DOCK7: variants seen among roughly 807,000 people sequenced by gnomAD.
DOCK7 encodes the protein dedicator of cytokinesis 7.
DOCK7 carries 138 observed loss-of-function variants against 271.0 expected under a neutral mutation model. The ratio of observed to expected loss-of-function variants is 0.51; its 90% CI spans 0.44 to 0.59. The LOEUF is 0.59. Among genes scored for constraint, DOCK7 ranks in the 20% least tolerant of loss-of-function variants. DOCK7 has a pLI of 0.00. For missense variants in DOCK7, 2,066 were observed against 2,592.4 expected (o/e 0.80, Z 4.41); for synonymous variants, 823 against 876.1 (o/e 0.94, Z 1.07).
intron 14 of DOCK7, among the ~76,000 whole-genome samples, chr1:62,587,613 C>T (rs985250681): frequency 1.3e-5 from 2 of 152,014 alleles, no homozygotes; most frequent in East Asian, 1.9e-4. Flanking sequence ...AGAAACACAA[C>T]GTTTATCAGT....
intron 14 of DOCK7, among the ~76,000 whole-genome samples, chr1:62,592,709 G>A (rs1441968053): frequency 6.6e-6 from 1 of 151,998 alleles, no homozygotes; most frequent in African/African-American, 2.4e-5. Flanking sequence ...AAACAAACTA[G>A]ATATATACTT....
At chr1:62,598,283 T>C (rs1649591766) in intron 14 of DOCK7, among the ~76,000 whole-genome samples, 1 of 152,044 alleles carries the variant, frequency 6.6e-6, no homozygotes, top group Admixed American at 6.6e-5. Context: ...TTGCATTTTA[T>C]ATGAAAATTA....
In DOCK7 at chr1:62,468,360, C is replaced by CAAAAAAAAAAAAAAA. The variant is rs201784083; in HGVS notation, c.6212+5607_6212+5621dup. ...TGGGCAACAGAGCGAGACTCTGTCT[C>CAAAAAAAAAAAAAAA]AAAAAAAAAAAAAAAAAAAGCATCA... On this transcript the variant is annotated intron_variant, in intron 48 of 49. Coordinates refer to ENST00000635253, the MANE Select transcript of DOCK7 (RefSeq NM_001367561.1). Among the ~76,000 whole-genome samples the CAAAAAAAAAAAAAAA allele has an allele frequency of 3.2e-5, 3 of 93,082 alleles. 1 individual carries two copies. Among genetic ancestry groups the CAAAAAAAAAAAAAAA allele is most frequent in the African/African-American group, 7.6e-5 (2 of 26,426 alleles). The allele number at this position is 93,082 out of a possible 152,430, so 61.1% of individuals were successfully genotyped here.
chr1:62,630,366 T>C (rs1355914015), intron 11 of DOCK7, among the ~76,000 whole-genome samples: 3 of 152,184 alleles, frequency 2.0e-5, no homozygotes, highest in African/African-American at 7.2e-5. Context: ...GTAAGTTCCC[T>C]CAGTAAACCC....
intron 22 of DOCK7, among the ~76,000 whole-genome samples, chr1:62,548,739 G>A (rs1278040911): frequency 1.3e-5 from 2 of 152,188 alleles, no homozygotes; most frequent in Non-Finnish European, 2.9e-5. Flanking sequence ...AGTCTTTAAA[G>A]CAACATTCTG....
intron 49 of DOCK7, among the ~76,000 whole-genome samples, chr1:62,457,066 C>T (rs1209816400): frequency 6.6e-6 from 1 of 152,146 alleles, no homozygotes; most frequent in African/African-American, 2.4e-5. Context: ...ACAAAAACCT[C>T]TTTAAGTTCT....
chr1:62,538,958 C>A (rs1163468606), intron 27 of DOCK7, among the ~76,000 whole-genome samples: 1 of 152,134 alleles, frequency 6.6e-6, no homozygotes. Context: ...AGTGGCCCAG[C>A]AGAACCAATA....
chr1:62,534,087 C>T lies in DOCK7; in HGVS notation c.3611+1406G>A, dbSNP rs147845482. Among the ~76,000 whole-genome samples, 231 of 152,110 alleles carry T rather than the reference C, an allele frequency of 1.5e-3. 5 individuals carry two copies. In the East Asian group the frequency reaches 0.031, roughly 20 times the overall value. Reference sequence around the variant, plus strand: ...GATCTTGGCTTACTGCAACCTCTGCCTCCCGGATTCAAGCAGTTCTCATGC... The same window carrying T: ...GATCTTGGCTTACTGCAACCTCTGCTTCCCGGATTCAAGCAGTTCTCATGC... On this transcript the variant is annotated intron_variant, in intron 29 of 49. Transcript: ENST00000635253.
In DOCK7 at chr1:62,456,748, C is replaced by T. The variant is rs367826093; in HGVS notation, c.6380+790G>A. 5.5e-4 allele frequency among the ~76,000 whole-genome samples: 83 copies of T among 152,124 alleles called. 1 individual carries two copies. Among genetic ancestry groups the T allele is most frequent in the African/African-American group, 1.9e-3 (80 of 41,496 alleles). ...GAGGATTAGGCCTATCTCAGGGACCCAGCACCCTGGCTCTCTGGGATCTCT... is the reference window on the plus strand; with the variant it reads ...GAGGATTAGGCCTATCTCAGGGACCTAGCACCCTGGCTCTCTGGGATCTCT... On this transcript the variant is annotated intron_variant, in intron 49 of 49. Transcript: ENST00000635253.
chr1:62,640,839 T>C (rs1412167428), intron 7 of DOCK7, among the ~76,000 whole-genome samples: 6 of 152,248 alleles, frequency 3.9e-5, no homozygotes, highest in Non-Finnish European at 8.8e-5. Context: ...CTACTACTAC[T>C]GAAACCAAAG....
At chr1:62,461,677 T>TAAAATA (rs369840723) in intron 48 of DOCK7, among the ~76,000 whole-genome samples, 6 of 134,914 alleles carry the variant, frequency 4.4e-5, no homozygotes, top group Non-Finnish European at 6.3e-5. Flanking sequence ...TCTCAAAAAA[T>TAAAATA]AAATAAAATA....
chr1:62,457,917 AG>A (rs1645394763), intron 48 of DOCK7: 1 of 474,922 alleles, frequency 2.1e-6, no homozygotes, highest in Non-Finnish European at 3.7e-6. Context: ...TGGGAGGTCA[AG>A]GCAGGTGGAC....
chr1:62,591,986 AG>A (rs1648519975), intron 14 of DOCK7, among the ~76,000 whole-genome samples: 2 of 152,230 alleles, frequency 1.3e-5, no homozygotes, highest in Non-Finnish European at 2.9e-5. Flanking sequence ...AGACAGCATT[AG>A]AAAATTTAGT....
At chr1:62,652,525 A>C (rs10889353) in intron 4 of DOCK7, among the ~76,000 whole-genome samples, 50,677 of 151,716 alleles carry the variant, frequency 0.33, 8,616 homozygotes, top group South Asian at 0.42. Flanking sequence ...ATCTGTTAAA[A>C]CCTTAAATGA....
chr1:62,609,338 C>T (rs1474827905), intron 14 of DOCK7: 7 of 152,194 alleles, frequency 4.6e-5, no homozygotes, highest in African/African-American at 1.7e-4. Context: ...AACAGTCATA[C>T]ATCTAATAAA....
intron 1 of DOCK7, among the ~76,000 whole-genome samples, chr1:62,663,479 ATACTT>A (rs1284255306): frequency 1.3e-5 from 2 of 152,144 alleles, no homozygotes; most frequent in Non-Finnish European, 2.9e-5. Context: ...TAAAATGTAT[ATACTT>A]TAAAGTATAC....
intron 1 of DOCK7, among the ~76,000 whole-genome samples, chr1:62,670,492 A>C (rs1659852432): frequency 6.6e-6 from 1 of 152,160 alleles, no homozygotes; most frequent in Non-Finnish European, 1.5e-5. Context: ...GAGGACGTGG[A>C]GAACCTTTAT....
At position 62,535,523 on chromosome 1, in the gene DOCK7, A is replaced by G. The variant is rs1645315600; in HGVS notation, c.3581T>C (p.Leu1194Pro). Residue 1194 changes from leucine (L) to proline (P), a missense_variant, in exon 29 of 50, where the codon CTG becomes CCG. By Grantham distance (98) the Leu-to-Pro change is moderately conservative. Around this residue, in one of 2 missense-constraint regions of DOCK7, gnomAD observed 1,414 missense variants for 1,670.4 expected, o/e 0.85. Transcript: ENST00000635253. ...AGCATCAGGGTCTAAAATGACAGCCAGCTCTGTTAACACAAGTCCTGCCAA... is the reference window on the plus strand; with the variant it reads ...AGCATCAGGGTCTAAAATGACAGCCGGCTCTGTTAACACAAGTCCTGCCAA... ...HYLAGLVLTE[L>P]AVILDPDAEG... 6.2e-7 allele frequency: 1 copy of G among 1,614,048 alleles called. No individual in the cohort carries two copies. Among genetic ancestry groups the G allele is most frequent in the Non-Finnish European group, 8.5e-7 (1 of 1,179,974 alleles).
At chr1:62,638,457 C>G (rs1655550048) in intron 7 of DOCK7, 1 of 151,024 alleles carries the variant, frequency 6.6e-6, no homozygotes, top group Admixed American at 6.6e-5. Flanking sequence ...TGTCTACTCT[C>G]TATCTGTAAA....
Sources: allele counts gnomAD v4.1 joint callset (sites outside exome capture counted in the v4.1 genomes callset), GRCh38; gene constraint gnomAD v4.1.1; regional missense constraint gnomAD v4.1.1; transcripts MANE v1.5; gene names NCBI Gene and HGNC (gene_info 2026-07-23, HGNC 2026-07-21).